The following ELP1 variants were observed in gnomAD, a reference collection of about 807,000 sequenced individuals.
ELP1 encodes the protein elongator acetyltransferase complex subunit 1, also known as elongator complex protein 1.
In ELP1, 131 loss-of-function variants were observed where a neutral mutation model predicts 183.2. The observed-to-expected ratio is 0.72, with a 90% confidence interval of 0.62 to 0.83. ELP1 has a LOEUF of 0.83. Among genes scored for constraint, ELP1 ranks in the 40% least tolerant of loss-of-function variants. ELP1 has a pLI of 0.00. For missense variants in ELP1, 1,550 were observed against 1,594.9 expected (o/e 0.97, Z 0.48); for synonymous variants, 555 against 569.0 (o/e 0.98, Z 0.35).
rs1244523435 is a variant in ELP1, at chr9:108,881,782, A to T, written c.3286-17T>A. 1 of 1,438,024 alleles carries T rather than the reference A, an allele frequency of 7.0e-7. No homozygotes were observed. The highest frequency in any genetic ancestry group is 9.8e-7 in the Non-Finnish European group (1 of 1,020,376). The allele number at this position is 1,438,024 out of a possible 1,614,324, so 89.1% of individuals were successfully genotyped here. On this transcript the variant is annotated splice_polypyrimidine_tract_variant and intron_variant, in intron 30 of 36. Coordinates refer to ENST00000374647, the MANE Select transcript of ELP1 (RefSeq NM_003640.5). Reference sequence around the variant, plus strand: ...TTTGTATACCTAGAAGGAAAAACACAATAATTTTAGGAAGGAAAACTTCTA... The same window carrying T: ...TTTGTATACCTAGAAGGAAAAACACTATAATTTTAGGAAGGAAAACTTCTA...
chr9:108,919,013 A>C (rs1057490620), intron 7 of ELP1, 112 bp from the exon 8 acceptor site: 2 of 868,710 alleles, frequency 2.3e-6, no homozygotes, highest in African/African-American at 3.3e-5. Context: ...CCATGGTTTT[A>C]CATAGCCAAT....
At chr9:108,885,092 C>A (rs570121683) in intron 29 of ELP1, among the ~76,000 whole-genome samples, 43 of 149,358 alleles carry the variant, frequency 2.9e-4, no homozygotes, top group Admixed American at 4.7e-4. Flanking sequence ...AAAAAAACAA[C>A]AACAACAAAA....
chr9:108,886,922 T>C (rs1453164288), intron 29 of ELP1, among the ~76,000 whole-genome samples: 1 of 135,018 alleles, frequency 7.4e-6, no homozygotes, highest in Non-Finnish European at 1.6e-5. Flanking sequence ...AAAAAGCAAA[T>C]ATCAGGCCAG....
intron 9 of ELP1, among the ~76,000 whole-genome samples, chr9:108,917,129 C>T (rs1312318190): frequency 6.6e-6 from 1 of 152,122 alleles, no homozygotes; most frequent in African/African-American, 2.4e-5. Context: ...ATTTTTATTA[C>T]TATTTACTCT....
intron 6 of ELP1, among the ~76,000 whole-genome samples, chr9:108,920,258 C>T (rs1175978977): frequency 6.6e-6 from 1 of 151,720 alleles, no homozygotes; most frequent in Non-Finnish European, 1.5e-5. Context: ...TGGTATCCTC[C>T]TCAATTCCTC....
chr9:108,872,849 A>G (rs1213933402), intron 36 of ELP1, among the ~76,000 whole-genome samples: 2 of 150,108 alleles, frequency 1.3e-5, no homozygotes, highest in African/African-American at 4.9e-5. Flanking sequence ...ACTAGTTACA[A>G]AAATAATGTG....
chr9:108,927,532 A>G, intron 3 of ELP1, 79 bp from the exon 4 acceptor site: 1 of 1,140,160 alleles, frequency 8.8e-7, no homozygotes, highest in South Asian at 1.2e-5. Flanking sequence ...AATCAAAACA[A>G]TTAAAAAAAC....
chr9:108,927,588 T>C, intron 3 of ELP1, 135 bp from the exon 4 acceptor site: 2 of 735,626 alleles, frequency 2.7e-6, no homozygotes, highest in Non-Finnish European at 4.9e-6. Flanking sequence ...TGCACTCTCA[T>C]GTTTGTTGCA....
In ELP1 at chr9:108,879,437, G is replaced by A; in HGVS notation, c.3572+9C>T. 2 of 1,582,528 alleles carry A rather than the reference G, an allele frequency of 1.3e-6. No individual in the cohort carries two copies. Among genetic ancestry groups the A allele is most frequent in the Middle Eastern group, 1.7e-4 (1 of 5,998 alleles). ...TATAGTCAATGTGCTGAATCAATGT[G>A]ATACGTACGCTGATATCCTGGAGTT... is the stretch of plus-strand genomic sequence containing the variant. On this transcript the variant is annotated intron_variant, in intron 33 of 36. Transcript: ENST00000374647.
intron 25 of ELP1, 141 bp from the exon 26 acceptor site, chr9:108,894,207 T>C (rs945061562): frequency 3.9e-6 from 2 of 510,138 alleles, no homozygotes; most frequent in African/African-American, 3.9e-5. Flanking sequence ...TTATATAATA[T>C]ATAAAATCAA....
At position 108,911,278 on chromosome 9, in the gene ELP1, T is replaced by C. The variant is rs143698684; in HGVS notation, c.1190-98A>G. 6.0e-5 allele frequency: 69 copies of C among 1,152,384 alleles called. No homozygotes were observed. The African/African-American group carries it at 7.7e-4, about 13-fold the overall frequency. 71.4% of individuals were successfully genotyped at this position (1,152,384 alleles called of 1,614,324 possible). A position where few individuals can be genotyped will look rare whatever the true frequency, so the allele number is the denominator to read the frequency against. ...CAGTATATCTAAACAATAATGGCAA[T>C]TCACAAAAAAATAACTTTCAATGTT... On this transcript the variant is annotated intron_variant, in intron 11 of 36. Transcript: ENST00000374647.
chr9:108,900,999 G>A (rs1045222903), intron 18 of ELP1, among the ~76,000 whole-genome samples: 3 of 151,674 alleles, frequency 2.0e-5, no homozygotes, highest in Admixed American at 2.0e-4. Context: ...AGATAGATAG[G>A]GCATGGAACA....
At chr9:108,902,068 A>C (rs1436103056) in intron 16 of ELP1, among the ~76,000 whole-genome samples, 1 of 152,212 alleles carries the variant, frequency 6.6e-6, no homozygotes, top group East Asian at 1.9e-4. Flanking sequence ...AGAAGTTTCT[A>C]ATCTTTGTTC....
chr9:108,931,304 G>A, intron 1 of ELP1, 103 bp from the exon 2 acceptor site: 3 of 802,356 alleles, frequency 3.7e-6, no homozygotes, highest in South Asian at 3.3e-5. Context: ...GAATAACCAA[G>A]AAAAGAAAAA....
At chr9:108,926,730 A>C in intron 4 of ELP1, 127 bp from the exon 5 acceptor site, 1 of 724,626 alleles carries the variant, frequency 1.4e-6, no homozygotes, top group African/African-American at 1.8e-5. Flanking sequence ...TTCATCCAAA[A>C]TGCTTTGACT....
intron 8 of ELP1, 146 bp from the exon 9 acceptor site, chr9:108,917,816 C>T: frequency 1.1e-6 from 1 of 927,546 alleles, no homozygotes; most frequent in African/African-American, 1.6e-5. Flanking sequence ...TTTTAAATCC[C>T]ATGTGTCCCT....
intron 22 of ELP1, 63 bp downstream of exon 22, chr9:108,898,439 T>G: frequency 2.8e-6 from 3 of 1,088,322 alleles, no homozygotes; most frequent in Non-Finnish European, 4.1e-6. Flanking sequence ...TTATGCTTGA[T>G]TTCCTTAACA....
At chr9:108,869,395 C>T (rs1172371493) in intron 36 of ELP1, among the ~76,000 whole-genome samples, 1 of 152,122 alleles carries the variant, frequency 6.6e-6, no homozygotes, top group Admixed American at 6.5e-5. Context: ...TGCATTTCAA[C>T]CTCAGGCATG....
chr9:108,899,737 A>T, intron 20 of ELP1, 85 bp downstream of exon 20: 1 of 1,097,914 alleles, frequency 9.1e-7, no homozygotes. Context: ...CATAATTTTA[A>T]GTTCTCGAAA....
Sources: allele counts gnomAD v4.1 joint callset (sites outside exome capture counted in the v4.1 genomes callset), GRCh38; gene constraint gnomAD v4.1.1; transcripts MANE v1.5; gene names NCBI Gene and HGNC (gene_info 2026-07-23, HGNC 2026-07-21).